HCN1: variants seen among roughly 807,000 people sequenced by gnomAD.
HCN1 encodes hyperpolarization activated cyclic nucleotide gated potassium channel 1, also known as potassium/sodium hyperpolarization-activated cyclic nucleotide-gated channel 1.
Under a neutral mutation model 78.9 loss-of-function variants are expected in HCN1, and 13 were observed. The observed-to-expected ratio is 0.16, with a 90% CI of 0.11 to 0.26. The LOEUF (loss-of-function observed/expected upper bound fraction) is 0.26, where lower values mean the gene tolerates loss of function less well. Ranked by LOEUF, HCN1 falls within the 10% of genes least tolerant of loss-of-function variation. HCN1 has a pLI of 1.00. For synonymous variants in HCN1, 552 were observed against 455.5 expected (o/e 1.21, Z -2.70); for missense variants, 810 against 1,154.3 (o/e 0.70, Z 4.32).
intron 3 of HCN1, among the ~76,000 whole-genome samples, chr5:45,412,198 G>A (rs1740037899): frequency 6.6e-6 from 1 of 152,094 alleles, no homozygotes; most frequent in African/African-American, 2.4e-5. Flanking sequence ...AGATTTTCCT[G>A]AGCTAGTTCT....
At chr5:45,607,966 A>T (rs1744756157) in intron 2 of HCN1, among the ~76,000 whole-genome samples, 1 of 151,870 alleles carries the variant, frequency 6.6e-6, no homozygotes, top group Non-Finnish European at 1.5e-5. Context: ...ATTATATATA[A>T]TGGGAGCCCA....
intron 7 of HCN1, among the ~76,000 whole-genome samples, chr5:45,265,926 G>C (rs1579765526): frequency 6.6e-6 from 1 of 152,148 alleles, no homozygotes; most frequent in African/African-American, 2.4e-5. Context: ...CAAGGAACTG[G>C]GCTTAGTAGG....
chr5:45,338,808 A>G (rs1263684673), intron 5 of HCN1, among the ~76,000 whole-genome samples: 2 of 152,152 alleles, frequency 1.3e-5, no homozygotes, highest in East Asian at 3.9e-4. Flanking sequence ...CGTTCTTACT[A>G]AACTTTTCTT....
At position 45,329,998 on chromosome 5, in the gene HCN1, A is replaced by G. The variant is rs1014409496; in HGVS notation, c.1377+23102T>C. Among the ~76,000 whole-genome samples, 3 of 151,410 alleles carry G rather than the reference A, an allele frequency of 2.0e-5. 1 individual carries two copies. In the South Asian group the frequency reaches 6.2e-4, roughly 31 times the overall value. ...CAATTACATATATAGATTTTCAATT[A>G]GAGATTTTACTTTGGAAAAATTTTA... On this transcript the variant is annotated intron_variant, in intron 5 of 7. Coordinates refer to ENST00000303230, the MANE Select transcript of HCN1 (RefSeq NM_021072.4).
chr5:45,563,788 C>T (rs1229782978), intron 2 of HCN1, among the ~76,000 whole-genome samples: 3 of 152,112 alleles, frequency 2.0e-5, no homozygotes, highest in Non-Finnish European at 2.9e-5. Context: ...GCCTTACAAA[C>T]ATTTTGTCTA....
At chr5:45,689,243 C>T (rs1030107104) in intron 1 of HCN1, among the ~76,000 whole-genome samples, 5 of 151,930 alleles carry the variant, frequency 3.3e-5, no homozygotes, top group Non-Finnish European at 7.4e-5. Context: ...CACATGTTTA[C>T]CTATTTAACA....
intron 2 of HCN1, among the ~76,000 whole-genome samples, chr5:45,513,979 C>G (rs1217685750): frequency 6.6e-6 from 1 of 152,114 alleles, no homozygotes; most frequent in Non-Finnish European, 1.5e-5. Context: ...AAACATCAAG[C>G]ACTGATCAAC....
intron 2 of HCN1, among the ~76,000 whole-genome samples, chr5:45,467,712 C>T (rs1038355018): frequency 6.6e-6 from 1 of 152,066 alleles, no homozygotes. Flanking sequence ...TGACTATCTT[C>T]TTCAGTTTCA....
chr5:45,605,277 A>T (rs1475876105), intron 2 of HCN1, among the ~76,000 whole-genome samples: 2 of 152,028 alleles, frequency 1.3e-5, no homozygotes, highest in African/African-American at 4.8e-5. Context: ...CTTCAAAATT[A>T]AAAACATTCA....
intron 3 of HCN1, among the ~76,000 whole-genome samples, chr5:45,401,236 T>A (rs1447390791): frequency 6.6e-6 from 1 of 152,114 alleles, no homozygotes; most frequent in Non-Finnish European, 1.5e-5. Context: ...CCTTATAGAG[T>A]GAGAAATAAT....
At chr5:45,341,724 T>C (rs779756037) in intron 5 of HCN1, among the ~76,000 whole-genome samples, 3 of 152,106 alleles carry the variant, frequency 2.0e-5, no homozygotes, top group Non-Finnish European at 2.9e-5. Context: ...ACCACTGCAC[T>C]CCAGCCTGGA....
chr5:45,508,758 A>C (rs945053823), intron 2 of HCN1, among the ~76,000 whole-genome samples: 1 of 152,146 alleles, frequency 6.6e-6, no homozygotes, highest in African/African-American at 2.4e-5. Context: ...TTTATGATAG[A>C]TACATTTGAA....
At chr5:45,313,091 A>C (rs1263977699) in intron 5 of HCN1, among the ~76,000 whole-genome samples, 3 of 152,232 alleles carry the variant, frequency 2.0e-5, no homozygotes, top group Non-Finnish European at 4.4e-5. Flanking sequence ...TTGACCCCCA[A>C]GTAGCCCAAT....
rs555672395 is a variant in HCN1, at chr5:45,311,018, T to C, written c.1378-7179A>G. 5.7e-4 allele frequency among the ~76,000 whole-genome samples: 86 copies of C among 151,704 alleles called. 2 individuals carry two copies. In the South Asian group the frequency reaches 9.2e-3, roughly 16 times the overall value. On this transcript the variant is annotated intron_variant, in intron 5 of 7. Transcript: ENST00000303230. ...ACACATACTGGGGCCTATCGGAGGG[T>C]GGAAGGAGGGATAGAACCAAGAAAA... is the stretch of plus-strand genomic sequence containing the variant.
At chr5:45,398,445 A>ATG (rs1198071859) in intron 3 of HCN1, among the ~76,000 whole-genome samples, 3 of 151,888 alleles carry the variant, frequency 2.0e-5, no homozygotes, top group Admixed American at 6.6e-5. Context: ...GTGTGCCTAT[A>ATG]TGTGTGTGTG....
intron 2 of HCN1, among the ~76,000 whole-genome samples, chr5:45,621,733 A>C (rs773942865): frequency 6.6e-6 from 1 of 152,160 alleles, no homozygotes; most frequent in Non-Finnish European, 1.5e-5. Flanking sequence ...CAAACCTTTC[A>C]CCCAAAAAAC....
intron 2 of HCN1, among the ~76,000 whole-genome samples, chr5:45,635,790 T>G (rs1013803664): frequency 3.9e-5 from 6 of 152,184 alleles, no homozygotes; most frequent in African/African-American, 1.4e-4. Context: ...GCTCTAATTT[T>G]ATTTACTCTT....
intron 2 of HCN1, among the ~76,000 whole-genome samples, chr5:45,579,383 C>G (rs1259275006): frequency 6.6e-6 from 1 of 152,020 alleles, no homozygotes; most frequent in Non-Finnish European, 1.5e-5. Context: ...ACCTCACCAA[C>G]ACAGCTCAAG....
intron 5 of HCN1, among the ~76,000 whole-genome samples, chr5:45,351,533 A>C (rs1354809821): frequency 6.5e-5 from 7 of 107,608 alleles, no homozygotes; most frequent in Admixed American, 4.7e-4. Context: ...AATGGGATCT[A>C]ATTAAACTAA....
Sources: gnomAD v4.1 joint callset for allele counts (sites outside exome capture counted in the v4.1 genomes callset) on GRCh38, gnomAD v4.1.1 for gene constraint, MANE v1.5 for transcripts, NCBI Gene and HGNC (gene_info 2026-07-23, HGNC 2026-07-21) for gene names.